The following CDH12 variants were observed in gnomAD, a reference collection of about 807,000 sequenced individuals.
CDH12 encodes cadherin 12.
Under a neutral mutation model 74.1 loss-of-function variants are expected in CDH12, and 41 were observed. That is an observed-to-expected ratio of 0.55 (90% CI 0.43 to 0.72). CDH12 has a LOEUF of 0.72. Among genes scored for constraint, CDH12 ranks in the 30% least tolerant of loss-of-function variants. The probability of loss-of-function intolerance (pLI) is 0.00; values close to 1 mark genes in which losing one functional copy is unlikely to be tolerated. For synonymous variants in CDH12, 399 were observed against 355.0 expected (o/e 1.12, Z -1.39); for missense variants, 945 against 977.2 (o/e 0.97, Z 0.44).
chr5:22,033,620 T>C (rs937291976), intron 5 of CDH12, among the ~76,000 whole-genome samples: 5 of 152,318 alleles, frequency 3.3e-5, no homozygotes, highest in Non-Finnish European at 7.4e-5. Context: ...AGAAATCTAA[T>C]AAAGTAGTAA....
chr5:21,761,327 C>T (rs886438786), intron 12 of CDH12, among the ~76,000 whole-genome samples: 4 of 152,030 alleles, frequency 2.6e-5, no homozygotes, highest in African/African-American at 9.7e-5. Flanking sequence ...CCCTTAAATA[C>T]TTGGAGAATA....
intron 5 of CDH12, among the ~76,000 whole-genome samples, chr5:22,032,173 T>C (rs1738864537): frequency 6.6e-6 from 1 of 152,030 alleles, no homozygotes; most frequent in Admixed American, 6.6e-5. Flanking sequence ...AACTATGTGC[T>C]TATAAATATT....
chr5:22,401,438 T>C (rs972731991), intron 3 of CDH12, among the ~76,000 whole-genome samples: 1 of 152,206 alleles, frequency 6.6e-6, no homozygotes, highest in South Asian at 2.1e-4. Flanking sequence ...ATGTATTTTG[T>C]TACTTCTTAG....
intron 1 of CDH12, among the ~76,000 whole-genome samples, chr5:22,560,450 G>C (rs547693668): frequency 6.6e-6 from 1 of 152,030 alleles, no homozygotes; most frequent in African/African-American, 2.4e-5. Flanking sequence ...GGTGCTTACT[G>C]TATCTCAGTT....
intron 1 of CDH12, among the ~76,000 whole-genome samples, chr5:22,525,155 C>G (rs1323207375): frequency 2.6e-5 from 4 of 152,104 alleles, no homozygotes; most frequent in African/African-American, 9.7e-5. Context: ...TGTTTTATGG[C>G]TGCATAGTAT....
chr5:22,483,466 T>C (rs1746460117), intron 2 of CDH12, among the ~76,000 whole-genome samples: 1 of 151,454 alleles, frequency 6.6e-6, no homozygotes, highest in Non-Finnish European at 1.5e-5. Context: ...GAAATGCAAA[T>C]CGAAGAAAAG....
intron 9 of CDH12, among the ~76,000 whole-genome samples, chr5:21,812,123 A>T (rs1228635279): frequency 6.6e-6 from 1 of 152,108 alleles, no homozygotes; most frequent in African/African-American, 2.4e-5. Flanking sequence ...GATCATTAGT[A>T]TTTTAATGTA....
intron 4 of CDH12, among the ~76,000 whole-genome samples, chr5:22,094,889 C>G (rs1743656083): frequency 6.6e-6 from 1 of 152,152 alleles, no homozygotes; most frequent in African/African-American, 2.4e-5. Context: ...AGAGAACAAC[C>G]CCTCTTTGAC....
chr5:21,909,217 C>T (rs990365822), intron 6 of CDH12, among the ~76,000 whole-genome samples: 1 of 152,030 alleles, frequency 6.6e-6, no homozygotes, highest in African/African-American at 2.4e-5. Context: ...GTTGTGGCAC[C>T]TCCAGTAATG....
chr5:22,038,844 T>G (rs2150181211), intron 5 of CDH12, among the ~76,000 whole-genome samples: 1 of 152,196 alleles, frequency 6.6e-6, no homozygotes, highest in East Asian at 1.9e-4. Flanking sequence ...GTACCCCACA[T>G]CCCAGAAAAC....
intron 6 of CDH12, among the ~76,000 whole-genome samples, chr5:21,942,202 T>C (rs778033253): frequency 3.4e-4 from 52 of 151,826 alleles, no homozygotes; most frequent in Non-Finnish European, 6.3e-4. Context: ...CTCAAGAGAG[T>C]AGAAGCTCTT....
intron 2 of CDH12, among the ~76,000 whole-genome samples, chr5:22,460,721 T>C (rs922112637): frequency 7.0e-6 from 1 of 143,634 alleles, no homozygotes; most frequent in Non-Finnish European, 1.5e-5. Flanking sequence ...CAATTTTTTT[T>C]TTTTTTTTTT....
intron 6 of CDH12, among the ~76,000 whole-genome samples, chr5:21,900,863 C>T (rs1753353627): frequency 6.6e-6 from 1 of 152,114 alleles, no homozygotes; most frequent in Non-Finnish European, 1.5e-5. Flanking sequence ...AAAACCTCTG[C>T]CTAAATAAAG....
chr5:22,775,859 G>C (rs1747066859), intron 1 of CDH12, among the ~76,000 whole-genome samples: 1 of 152,192 alleles, frequency 6.6e-6, no homozygotes, highest in East Asian at 1.9e-4. Context: ...GACCCAGGGG[G>C]GAGGTAATTG....
At chr5:22,184,527 T>A (rs1164175779) in intron 4 of CDH12, among the ~76,000 whole-genome samples, 1 of 152,238 alleles carries the variant, frequency 6.6e-6, no homozygotes, top group Admixed American at 6.5e-5. Context: ...AACTAGTAAT[T>A]GTGAAACTAG....
At chr5:22,668,268 G>A (rs531703935) in intron 1 of CDH12, among the ~76,000 whole-genome samples, 2 of 152,220 alleles carry the variant, frequency 1.3e-5, no homozygotes, top group Admixed American at 6.5e-5. Context: ...TTTGGGTGAT[G>A]GGTACACTAG....
At chr5:21,982,610 A>G (rs1757355786) in intron 5 of CDH12, among the ~76,000 whole-genome samples, 1 of 151,728 alleles carries the variant, frequency 6.6e-6, no homozygotes, top group Admixed American at 6.6e-5. Context: ...ATATCTCTAT[A>G]TCTATAATCT....
At chr5:22,303,907 T>C (rs1250167724) in intron 3 of CDH12, among the ~76,000 whole-genome samples, 2 of 152,144 alleles carry the variant, frequency 1.3e-5, no homozygotes, top group African/African-American at 4.8e-5. Context: ...GGTGATACCA[T>C]AAGATTCAGA....
intron 12 of CDH12, among the ~76,000 whole-genome samples, chr5:21,763,256 T>A (rs1299310476): frequency 6.6e-6 from 1 of 152,190 alleles, no homozygotes; most frequent in Non-Finnish European, 1.5e-5. Flanking sequence ...AAATACTCTA[T>A]GTCTGCAGTC....
Sources: allele counts gnomAD v4.1 joint callset (sites outside exome capture counted in the v4.1 genomes callset), GRCh38; gene constraint gnomAD v4.1.1; transcripts MANE v1.5; gene names NCBI Gene and HGNC (gene_info 2026-07-23, HGNC 2026-07-21).